PDE3B: variants seen among roughly 807,000 people sequenced by gnomAD.
PDE3B encodes phosphodiesterase 3B.
A neutral mutation model predicts 116.8 loss-of-function variants in PDE3B; 66 were observed. The observed-to-expected ratio is 0.56, with a 90% CI of 0.46 to 0.69. PDE3B has a LOEUF of 0.69. Ranked by LOEUF, PDE3B falls within the 30% of genes least tolerant of loss-of-function variation. The pLI is 0.00. For missense variants in PDE3B, 1,384 were observed against 1,368.1 expected (o/e 1.01, Z -0.18); for synonymous variants, 595 against 533.6 (o/e 1.12, Z -1.59).
chr11:14,859,333 T>A, intron 13 of PDE3B, 87 bp downstream of exon 13: 1 of 806,392 alleles, frequency 1.2e-6, no homozygotes, highest in South Asian at 1.9e-5. Flanking sequence ...TAAGTTAGAA[T>A]TATTACTACT....
rs187969658 is a variant in PDE3B at position 14,722,027 on chromosome 11, C to T, written c.979-49910C>T. Among the ~76,000 whole-genome samples, 1,390 of 151,052 alleles carry T rather than the reference C, an allele frequency of 9.2e-3. 68 individuals are homozygous for T. Among genetic ancestry groups the T allele is most frequent in the Non-Finnish European group, 2.3e-3 (155 of 67,826 alleles). ...GTCCTTTGTAGGGACATGGATGAAG[C>T]TGGAAACCAGTCTCAGCAAACTATC... On this transcript the variant is annotated intron_variant, in intron 1 of 15. Transcript: ENST00000282096.
chr11:14,898,998 C>G, the PDE3B span, among the ~76,000 whole-genome samples: 2 of 152,138 alleles, frequency 1.3e-5, no homozygotes, highest in Non-Finnish European at 2.9e-5. Context: ...AGTTGAGACC[C>G]TCTGGCTGAG....
At chr11:14,795,314 A>G (rs1389747654) in intron 4 of PDE3B, among the ~76,000 whole-genome samples, 1 of 152,216 alleles carries the variant, frequency 6.6e-6, no homozygotes, top group Non-Finnish European at 1.5e-5. Flanking sequence ...GTTGTATGCT[A>G]GGAAACAGGG....
chr11:14,805,629 CA>C (rs781649984), intron 5 of PDE3B, among the ~76,000 whole-genome samples: 5 of 152,146 alleles, frequency 3.3e-5, no homozygotes, highest in Non-Finnish European at 7.4e-5. Flanking sequence ...GAAAAACGTA[CA>C]TTTTTTTCAA....
At chr11:14,751,142 G>C (rs1398060219) in intron 1 of PDE3B, among the ~76,000 whole-genome samples, 2 of 152,098 alleles carry the variant, frequency 1.3e-5, no homozygotes, top group African/African-American at 4.8e-5. Context: ...GATTATGCAA[G>C]CTGCCTGGCA....
intron 1 of PDE3B, among the ~76,000 whole-genome samples, chr11:14,709,895 T>A (rs971945146): frequency 6.6e-6 from 1 of 152,208 alleles, no homozygotes; most frequent in Non-Finnish European, 1.5e-5. Flanking sequence ...GGATATATGT[T>A]CTTAATTGTA....
chr11:14,881,011 A>T, the PDE3B span, among the ~76,000 whole-genome samples: 3 of 152,098 alleles, frequency 2.0e-5, no homozygotes, highest in South Asian at 6.2e-4. Context: ...ACAAGAAGCT[A>T]GTCAGTCCTG....
At chr11:14,716,023 T>C (rs1417444613) in intron 1 of PDE3B, among the ~76,000 whole-genome samples, 1 of 152,042 alleles carries the variant, frequency 6.6e-6, no homozygotes, top group Non-Finnish European at 1.5e-5. Flanking sequence ...TTCATCTCAC[T>C]AGGGAGTGCC....
chr11:14,831,632 A>G lies in PDE3B; in HGVS notation c.1957-8A>G. The G allele has an allele frequency of 6.5e-7, 1 of 1,540,374 alleles. No individual in the cohort carries two copies. On this transcript the variant is annotated splice_region_variant and splice_polypyrimidine_tract_variant and intron_variant, in intron 8 of 15. Transcript: ENST00000282096. ...TAAAATAAAGTTGTTGTTTCCCTGTATGTACAGATTGAACAGGAAGTATCA... is the reference window on the plus strand; with the variant it reads ...TAAAATAAAGTTGTTGTTTCCCTGTGTGTACAGATTGAACAGGAAGTATCA...
At chr11:14,725,856 G>A (rs1046471033) in intron 1 of PDE3B, among the ~76,000 whole-genome samples, 19 of 151,570 alleles carry the variant, frequency 1.3e-4, no homozygotes, top group Non-Finnish European at 2.1e-4. Flanking sequence ...ATTGCAGCCC[G>A]AATGATCTTT....
chr11:14,897,673 C>T, the PDE3B span, among the ~76,000 whole-genome samples: 1 of 152,130 alleles, frequency 6.6e-6, no homozygotes, highest in Non-Finnish European at 1.5e-5. Context: ...GTTTTAGAGA[C>T]TGGCATTTTA....
chr11:14,830,807 G>C lies in PDE3B; in HGVS notation c.1917G>C (p.Lys639Asn), dbSNP rs1310365295. Residue 639 changes from lysine to asparagine, a missense_variant, in exon 8 of 16, where the codon AAG (lysine) becomes AAC (asparagine). By Grantham distance (94) the Lys-to-Asn change is moderately conservative (BLOSUM62 0). Transcript: ENST00000282096. The stretch of plus-strand genomic sequence containing the variant: ...GAAAATTATTTCAGGAAGGTGATAA[G>C]TGGCTAACAGAAGAGGCACAGAGTG... ...DSRKLFQEGD[K>N]WLTEEAQSEQ... is the part of the protein sequence containing the mutation. 1.3e-6 allele frequency: 2 copies of C among 1,535,168 alleles called. No homozygotes were observed. The highest frequency in any genetic ancestry group is 1.7e-6 in the Non-Finnish European group (2 of 1,146,966).
intron 1 of PDE3B, among the ~76,000 whole-genome samples, chr11:14,701,517 T>G (rs1194205012): frequency 2.0e-5 from 3 of 151,784 alleles, no homozygotes; most frequent in East Asian, 3.9e-4. Context: ...TCTGTTCCAC[T>G]CTACAGTCCT....
intron 11 of PDE3B, 42 bp from the exon 12 acceptor site, chr11:14,843,785 A>C: frequency 1.4e-6 from 2 of 1,477,630 alleles, no homozygotes; most frequent in Non-Finnish European, 1.9e-6. Flanking sequence ...TGAGGAATTT[A>C]TGTGCTAATG....
intron 3 of PDE3B, among the ~76,000 whole-genome samples, chr11:14,788,176 T>C (rs1858269334): frequency 1.3e-5 from 2 of 151,882 alleles, no homozygotes; most frequent in African/African-American, 4.8e-5. Flanking sequence ...ATCGAATTTG[T>C]CTCTCCTTTT....
At chr11:14,827,879 C>A (rs1280859670) in intron 7 of PDE3B, among the ~76,000 whole-genome samples, 1 of 152,126 alleles carries the variant, frequency 6.6e-6, no homozygotes, top group African/African-American at 2.4e-5. Flanking sequence ...GCAAAAAGAA[C>A]AAAGCTGGAG....
chr11:14,751,955 G>T (rs771150712), intron 1 of PDE3B, among the ~76,000 whole-genome samples: 5 of 152,120 alleles, frequency 3.3e-5, no homozygotes, highest in Admixed American at 3.3e-4. Context: ...TGGAAAGATG[G>T]TGAATGCATC....
intron 1 of PDE3B, among the ~76,000 whole-genome samples, chr11:14,661,268 C>A (rs1018015942): frequency 1.3e-5 from 2 of 152,190 alleles, no homozygotes; most frequent in African/African-American, 4.8e-5. Context: ...TGGAACCAAG[C>A]CAAATGTCCA....
intron 5 of PDE3B, among the ~76,000 whole-genome samples, chr11:14,806,671 A>G (rs1233732182): frequency 6.6e-6 from 1 of 151,430 alleles, no homozygotes; most frequent in East Asian, 2.0e-4. Flanking sequence ...CATCCCGGCT[A>G]AAATGGTGAA....
Sources: allele counts gnomAD v4.1 joint callset (sites outside exome capture counted in the v4.1 genomes callset), GRCh38; gene constraint gnomAD v4.1.1; transcripts MANE v1.5; gene names NCBI Gene and HGNC (gene_info 2026-07-23, HGNC 2026-07-21).